The following B3GALT1 variants were observed in gnomAD, a reference collection of about 807,000 sequenced individuals.
B3GALT1 encodes beta-1,3-galactosyltransferase 1.
Under a neutral mutation model 23.2 loss-of-function variants are expected in B3GALT1, and 10 were observed. That is an observed-to-expected ratio of 0.43 (90% CI 0.27 to 0.73). The LOEUF is 0.73. Ranked by LOEUF, B3GALT1 falls within the 30% of genes least tolerant of loss-of-function variation. The probability of loss-of-function intolerance (pLI) is 0.21; values close to 1 mark genes in which losing one functional copy is unlikely to be tolerated. For synonymous variants in B3GALT1, 156 were observed against 141.5 expected (o/e 1.10, Z -0.73); for missense variants, 299 against 405.4 (o/e 0.74, Z 2.25).
At chr2:167,729,696 A>G (rs1405645445) in intron 3 of B3GALT1, among the ~76,000 whole-genome samples, 1 of 152,144 alleles carries the variant, frequency 6.6e-6, no homozygotes, top group Non-Finnish European at 1.5e-5. Flanking sequence ...ATCAATCATC[A>G]CATCCATCCG....
chr2:167,412,563 A>C lies in B3GALT1; in HGVS notation c.-510-77614A>C, dbSNP rs80004986. 5.1e-3 allele frequency among the ~76,000 whole-genome samples: 772 copies of C among 152,286 alleles called. 7 individuals are homozygous for C. The highest frequency in any genetic ancestry group is 0.018 in the African/African-American group (738 of 41,574). On this transcript the variant is annotated intron_variant, in intron 1 of 4. Transcript: ENST00000392690. ...TACAACATACCATACCAAATGACTA[A>C]GATGAAAAAGAAAGAACTTGTAAGT... is the stretch of plus-strand genomic sequence containing the variant.
chr2:167,869,753 G>T lies in B3GALT1; in HGVS notation c.714G>T (p.Gly238=). The T allele has an allele frequency of 1.2e-6, 2 of 1,614,154 alleles. No individual in the cohort carries two copies. Among genetic ancestry groups the T allele is most frequent in the South Asian group, 2.2e-5 (2 of 91,074 alleles). ...PDSNYPPFCS[G]TGYIFSADVA... is the part of the protein sequence containing the mutation. ...GTAACTACCCACCTTTCTGTTCGGG[G>T]ACTGGCTACATCTTTTCAGCCGATG... Residue 238 remains glycine, a synonymous_variant, in exon 5 of 5, where the codon GGG becomes GGT. Coordinates refer to ENST00000392690, the MANE Select transcript of B3GALT1 (RefSeq NM_020981.4). This position sits in a 1 kb window ranked among gnomAD's most constrained non-coding sequence, Gnocchi z 6.4.
intron 2 of B3GALT1, among the ~76,000 whole-genome samples, chr2:167,609,901 AT>A (rs1212140802): frequency 1.3e-5 from 2 of 152,140 alleles, no homozygotes; most frequent in Non-Finnish European, 2.9e-5. Flanking sequence ...GAGCGAAGGT[AT>A]TGTGGGGCTA....
intron 2 of B3GALT1, among the ~76,000 whole-genome samples, chr2:167,495,326 C>CTTTTTTTTTTTTTT (rs954749958): frequency 3.5e-5 from 2 of 57,884 alleles, no homozygotes; most frequent in Non-Finnish European, 6.2e-5. Flanking sequence ...GCTTGCTTGC[C>CTTTTTTTTTTTTTT]TTTTTTTTTT....
intron 2 of B3GALT1, among the ~76,000 whole-genome samples, chr2:167,642,375 A>AT: frequency 6.6e-6 from 1 of 152,230 alleles, no homozygotes; most frequent in East Asian, 1.9e-4. Flanking sequence ...ATTTTGGACT[A>AT]TAAAACCAGT....
In B3GALT1 at chr2:167,869,801, C is replaced by T; in HGVS notation, c.762C>T (p.Thr254=). 2.5e-6 allele frequency: 4 copies of T among 1,614,100 alleles called. No individual in the cohort carries two copies. Among genetic ancestry groups the T allele is most frequent in the Non-Finnish European group, 3.4e-6 (4 of 1,180,018 alleles). ...SADVAELIYK[T]SLHTRLLHLE... ...ATGTAGCTGAACTCATTTACAAGAC[C>T]TCACTCCACACAAGGCTGCTTCACC... Residue 254 remains threonine, a synonymous_variant, in exon 5 of 5, where the codon ACC becomes ACT. Coordinates refer to ENST00000392690, the MANE Select transcript of B3GALT1 (RefSeq NM_020981.4). This position sits in a 1 kb window ranked among gnomAD's most constrained non-coding sequence, Gnocchi z 6.4.
chr2:167,678,017 C>T (rs1353396874), intron 3 of B3GALT1, among the ~76,000 whole-genome samples: 2 of 152,190 alleles, frequency 1.3e-5, no homozygotes, highest in African/African-American at 2.4e-5. Context: ...TCCCCCAACA[C>T]GTGCGGATTA....
chr2:167,686,596 AC>A (rs1558948868), intron 3 of B3GALT1, among the ~76,000 whole-genome samples: 1 of 152,204 alleles, frequency 6.6e-6, no homozygotes, highest in African/African-American at 2.4e-5. Context: ...ATTGAAAAGA[AC>A]AACATTTTAG....
chr2:167,368,900 C>G (rs981775868), intron 1 of B3GALT1, among the ~76,000 whole-genome samples: 2 of 152,020 alleles, frequency 1.3e-5, no homozygotes, highest in Admixed American at 6.6e-5. Context: ...TTCCCCCCCC[C>G]ATGTGAGTAT....
chr2:167,445,594 G>T (rs1326908795), intron 1 of B3GALT1, among the ~76,000 whole-genome samples: 1 of 152,194 alleles, frequency 6.6e-6, no homozygotes, highest in Non-Finnish European at 1.5e-5. Flanking sequence ...TCTTCTTGTG[G>T]AATTGATCCC....
intron 2 of B3GALT1, among the ~76,000 whole-genome samples, chr2:167,572,518 A>G (rs1684312456): frequency 6.6e-6 from 1 of 151,852 alleles, no homozygotes; most frequent in South Asian, 2.1e-4. Flanking sequence ...CTGTAAGCAT[A>G]GAAAATGAAA....
intron 3 of B3GALT1, among the ~76,000 whole-genome samples, chr2:167,783,239 T>C (rs1320186705): frequency 2.0e-5 from 3 of 152,072 alleles, no homozygotes; most frequent in Non-Finnish European, 4.4e-5. Context: ...AGGCTAATCA[T>C]TGAGCTCAAA....
At chr2:167,466,858 G>T (rs61529045) in intron 1 of B3GALT1, among the ~76,000 whole-genome samples, 1,544 of 95,972 alleles carry the variant, frequency 0.016, 26 homozygotes, top group African/African-American at 0.052. Flanking sequence ...GACTACAGGC[G>T]CCCGCCACCA....
intron 3 of B3GALT1, among the ~76,000 whole-genome samples, chr2:167,664,059 T>C (rs1686125889): frequency 6.6e-6 from 1 of 151,080 alleles, no homozygotes; most frequent in Admixed American, 6.6e-5. Context: ...TGAATGGTAA[T>C]GCCTAGGTTT....
At chr2:167,492,641 T>C (rs1699727038) in intron 2 of B3GALT1, among the ~76,000 whole-genome samples, 1 of 152,188 alleles carries the variant, frequency 6.6e-6, no homozygotes, top group Non-Finnish European at 1.5e-5. Flanking sequence ...AAGCATTTGG[T>C]TTTGTCAATG....
At chr2:167,776,289 C>T (rs1243175909) in intron 3 of B3GALT1, among the ~76,000 whole-genome samples, 1 of 152,208 alleles carries the variant, frequency 6.6e-6, no homozygotes, top group Admixed American at 6.5e-5. Context: ...AACTTCCACA[C>T]TATTTTTCCT....
chr2:167,684,787 G>A (rs552043919), intron 3 of B3GALT1, among the ~76,000 whole-genome samples: 5 of 152,264 alleles, frequency 3.3e-5, no homozygotes, highest in South Asian at 2.1e-4. Context: ...AAGGTAACTC[G>A]TACCTAATGG....
chr2:167,568,627 A>G (rs907174956), intron 2 of B3GALT1, among the ~76,000 whole-genome samples: 2 of 152,052 alleles, frequency 1.3e-5, no homozygotes, highest in Admixed American at 6.6e-5. Flanking sequence ...TTTAGATAAC[A>G]ATATTTTATC....
chr2:167,309,808 A>G lies in B3GALT1; in HGVS notation c.-511+16474A>G, dbSNP rs190925557. Among the ~76,000 whole-genome samples, 875 of 152,208 alleles carry G rather than the reference A, an allele frequency of 5.7e-3. 3 individuals are homozygous for G. Among genetic ancestry groups the G allele is most frequent in the Middle Eastern group, 0.027 (8 of 292 alleles). ...TTAAAATAGGTATTCAACAATGTGG[A>G]AAAATATTTAGATAATTCTTATTTA... On this transcript the variant is annotated intron_variant, in intron 1 of 4. Transcript: ENST00000392690.
Sources: gnomAD v4.1 joint callset for allele counts (sites outside exome capture counted in the v4.1 genomes callset) on GRCh38, gnomAD v4.1.1 for gene constraint, Gnocchi (gnomAD v3.1) non-coding constraint, MANE v1.5 for transcripts, NCBI Gene and HGNC (gene_info 2026-07-23, HGNC 2026-07-21) for gene names.